The following MCFD2 variants were observed in gnomAD, a reference collection of about 807,000 sequenced individuals.
The protein encoded by MCFD2 is multiple coagulation factor deficiency 2, ER cargo receptor complex subunit, also known as multiple coagulation factor deficiency protein 2.
In MCFD2, 11 loss-of-function variants were observed where a neutral mutation model predicts 12.8. The ratio of observed to expected loss-of-function variants is 0.86; its 90% CI spans 0.54 to 1.42. The LOEUF (loss-of-function observed/expected upper bound fraction) is 1.42, where lower values mean the gene tolerates loss of function less well. Among genes scored for constraint, MCFD2 ranks in the 40% most tolerant of loss-of-function variants. The pLI is 0.00. For missense variants in MCFD2, 191 were observed against 178.6 expected (o/e 1.07, Z -0.40); for synonymous variants, 70 against 68.1 (o/e 1.03, Z -0.14).
intron 1 of MCFD2, chr2:46,913,562 A>G (rs1021770513): frequency 5.9e-5 from 9 of 152,268 alleles, no homozygotes; most frequent in African/African-American, 2.2e-4. Flanking sequence ...CTAACTACTT[A>G]GCTCAAGGCC....
rs1668323776 is a variant in MCFD2 at position 46,908,126 on chromosome 2, A to T, written c.150-157T>A. 1 of 786,822 alleles carries T rather than the reference A, an allele frequency of 1.3e-6. No homozygotes were observed. The highest frequency in any genetic ancestry group is 1.7e-5 in the African/African-American group (1 of 58,534). 48.7% of individuals were successfully genotyped at this position (786,822 alleles called of 1,614,324 possible). ...ACACTCAAGGATTACACAGAGATAGACAAGGCCTTGAGAGGAGCAGGAAAA... is the reference window on the plus strand; with the variant it reads ...ACACTCAAGGATTACACAGAGATAGTCAAGGCCTTGAGAGGAGCAGGAAAA... On this transcript the variant is annotated intron_variant, in intron 2 of 3. Transcript: ENST00000319466. The surrounding 1 kb of genome is among the most constrained non-coding windows in gnomAD (Gnocchi z 4.5).
rs1668042801 is a variant in MCFD2, at chr2:46,902,212, G to T, written c.*3251C>A. 1 of 152,468 alleles carries T rather than the reference G, an allele frequency of 6.6e-6. No homozygotes were observed. The allele number at this position is 152,468 out of a possible 1,614,324, so 9.4% of individuals were successfully genotyped here. A position where few individuals can be genotyped will look rare whatever the true frequency, so the allele number is the denominator to read the frequency against. ...ACTATAAAGATTCACACTGTTAAAG[G>T]GTTTTTTGGGTTCCTTTTCTAATCT... is the stretch of plus-strand genomic sequence containing the variant. On this transcript the variant is annotated 3_prime_UTR_variant, in exon 4 of 4. Transcript: ENST00000319466.
intron 1 of MCFD2, among the ~76,000 whole-genome samples, chr2:46,932,186 G>T (rs191678101): frequency 1.2e-4 from 18 of 149,622 alleles, no homozygotes; most frequent in African/African-American, 4.2e-4. Context: ...GTCTTGCTCT[G>T]TCACCCAGGC....
rs1670053527 is a variant in MCFD2, at chr2:46,937,769, A to G, written c.-8+3803T>C. ...TGATTTCAAAGGCCATGGATTGCATAGGAAGCTGAAGGGGTTTGGGGAAGC... is the reference window on the plus strand; with the variant it reads ...TGATTTCAAAGGCCATGGATTGCATGGGAAGCTGAAGGGGTTTGGGGAAGC... On this transcript the variant is annotated intron_variant, in intron 1 of 2. Transcript: ENST00000409147. The surrounding 1 kb of genome is among the most constrained non-coding windows in gnomAD (Gnocchi z 4.0). Among the ~76,000 whole-genome samples, 1 of 152,216 alleles carries G rather than the reference A, an allele frequency of 6.6e-6. No homozygotes were observed. The highest frequency in any genetic ancestry group is 2.1e-4 in the South Asian group (1 of 4,832).
chr2:46,915,805 C>CGGGGGGGGGGGGCG lies in MCFD2; in HGVS notation c.-90_-89insCGCCCCCCCCCCCC. On this transcript the variant is annotated 5_prime_UTR_variant, in exon 1 of 4. Transcript: ENST00000319466. ...TCCCCAAAACGCTCTTCCTCGGCTTCGCCCCGCCCCCCCCCCCCCCCCGAC... is the reference window on the plus strand; with the variant it reads ...TCCCCAAAACGCTCTTCCTCGGCTTCGGGGGGGGGGGGCGGCCCCGCCCCCCCCCCCCCCCCGAC... The CGGGGGGGGGGGGCG allele has an allele frequency of 8.1e-6, 3 of 368,316 alleles. No homozygotes were observed. The highest frequency in any genetic ancestry group is 6.1e-6 in the Non-Finnish European group (2 of 327,196). 22.8% of individuals were successfully genotyped at this position (368,316 alleles called of 1,614,324 possible). A position where few individuals can be genotyped will look rare whatever the true frequency, so the allele number is the denominator to read the frequency against.
intron 3 of MCFD2, chr2:46,906,942 G>A (rs889267198): frequency 6.6e-6 from 1 of 152,194 alleles, no homozygotes; most frequent in Non-Finnish European, 1.5e-5. Flanking sequence ...AGGTTCAAGT[G>A]ATCCTCCTAC....
intron 1 of MCFD2, among the ~76,000 whole-genome samples, chr2:46,935,588 C>T (rs1189995797): frequency 6.6e-6 from 1 of 152,142 alleles, no homozygotes; most frequent in Non-Finnish European, 1.5e-5. Context: ...TGCTGTCACC[C>T]AAATGTGTAC....
At chr2:46,927,135 A>C (rs920401165) in intron 1 of MCFD2, among the ~76,000 whole-genome samples, 2 of 152,156 alleles carry the variant, frequency 1.3e-5, no homozygotes, top group African/African-American at 4.8e-5. Context: ...ACTTGTATGT[A>C]GTTGGAGTCA....
chr2:46,932,094 G>GA (rs1204649404), intron 1 of MCFD2, among the ~76,000 whole-genome samples: 2 of 150,818 alleles, frequency 1.3e-5, no homozygotes, highest in African/African-American at 2.4e-5. Flanking sequence ...ACTAGGAATA[G>GA]AAAAAACTTC....
chr2:46,918,005 CTGTGCTTTAGA>C, upstream of MCFD2, among the ~76,000 whole-genome samples: 1 of 152,302 alleles, frequency 6.6e-6, no homozygotes, highest in South Asian at 2.1e-4. Flanking sequence ...TTACCTAGTC[CTGTGCTTTAGA>C]TACCATTTAT....
upstream of MCFD2, chr2:46,916,033 C>T (rs577940835): frequency 8.1e-6 from 8 of 985,454 alleles, no homozygotes; most frequent in East Asian, 9.1e-4. Context: ...CGCTGGACGC[C>T]CTAGGGGCCC....
At chr2:46,917,352 C>T, upstream of MCFD2, 1 of 600,756 alleles carries the variant, frequency 1.7e-6, no homozygotes, top group Non-Finnish European at 2.9e-6. Context: ...ATTCTTCTTT[C>T]CTTACTCTGA....
upstream of MCFD2, among the ~76,000 whole-genome samples, chr2:46,919,892 G>C (rs1279629923): frequency 1.3e-5 from 2 of 152,232 alleles, no homozygotes; most frequent in Admixed American, 6.5e-5. Context: ...TCAATGGGTT[G>C]CATGTTCTAG....
At chr2:46,936,828 G>A (rs1670003537) in intron 1 of MCFD2, among the ~76,000 whole-genome samples, 1 of 151,522 alleles carries the variant, frequency 6.6e-6, no homozygotes, top group African/African-American at 2.4e-5. Context: ...TCATTAGCAT[G>A]AGCAAGCATA....
At chr2:46,911,203 C>A (rs2103755990) in intron 1 of MCFD2, among the ~76,000 whole-genome samples, 1 of 152,238 alleles carries the variant, frequency 6.6e-6, no homozygotes, top group South Asian at 2.1e-4. Context: ...TCTTGGCTCA[C>A]TGCAACCTCC....
chr2:46,931,192 T>G (rs1669681711), intron 1 of MCFD2, among the ~76,000 whole-genome samples: 1 of 152,272 alleles, frequency 6.6e-6, no homozygotes, highest in African/African-American at 2.4e-5. Flanking sequence ...CATGGCTCAC[T>G]GCAGCTTTCA....
At chr2:46,923,760 C>T (rs1290330228) in intron 1 of MCFD2, among the ~76,000 whole-genome samples, 1 of 151,608 alleles carries the variant, frequency 6.6e-6, no homozygotes, top group Non-Finnish European at 1.5e-5. Flanking sequence ...GAGACAAAGT[C>T]TCACTCTTGT....
chr2:46,918,597 T>C (rs1668940766), upstream of MCFD2, among the ~76,000 whole-genome samples: 2 of 152,216 alleles, frequency 1.3e-5, no homozygotes, highest in East Asian at 1.9e-4. Context: ...AAATATGGAA[T>C]TGGCTAACTG....
At chr2:46,917,543 G>C (rs188101730), upstream of MCFD2, among the ~76,000 whole-genome samples, 38 of 152,312 alleles carry the variant, frequency 2.5e-4, no homozygotes. Context: ...GACAAATGAA[G>C]TGTCAAGAAG....
Sources: allele counts gnomAD v4.1 joint callset (sites outside exome capture counted in the v4.1 genomes callset), GRCh38; gene constraint gnomAD v4.1.1; non-coding constraint Gnocchi (gnomAD v3.1); transcripts MANE v1.5; gene names NCBI Gene and HGNC (gene_info 2026-07-23, HGNC 2026-07-21).